ATP2B2: variants seen among roughly 807,000 people sequenced by gnomAD.
The protein encoded by ATP2B2 is ATPase plasma membrane Ca2+ transporting 2.
Under a neutral mutation model 120.0 loss-of-function variants are expected in ATP2B2, and 15 were observed. That is an observed-to-expected ratio of 0.12 (90% CI 0.08 to 0.19). ATP2B2 has a LOEUF of 0.19. ATP2B2 is among the 10% of genes least tolerant of loss of function. The pLI is 1.00. For missense variants in ATP2B2, 1,045 were observed against 1,719.8 expected (o/e 0.61, Z 6.94); for synonymous variants, 694 against 700.3 (o/e 0.99, Z 0.14).
intron 1 of ATP2B2, among the ~76,000 whole-genome samples, chr3:10,638,369 T>C (rs2070079413): frequency 6.6e-6 from 1 of 151,582 alleles, no homozygotes; most frequent in Non-Finnish European, 1.5e-5. Flanking sequence ...GGAGGAAAAA[T>C]TGAAGTATAC....
At chr3:10,646,462 C>T (rs2070323477) in intron 1 of ATP2B2, among the ~76,000 whole-genome samples, 1 of 152,122 alleles carries the variant, frequency 6.6e-6, no homozygotes, top group South Asian at 2.1e-4. Context: ...CTCTGGCTTC[C>T]TGTGACGTTT....
chr3:10,631,801 A>C (rs1438377327), intron 1 of ATP2B2, among the ~76,000 whole-genome samples: 1 of 152,256 alleles, frequency 6.6e-6, no homozygotes, highest in Non-Finnish European at 1.5e-5. Flanking sequence ...ATCAGGATTA[A>C]AATCAGAGCA....
chr3:10,448,074 A>G (rs888234183), intron 2 of ATP2B2, among the ~76,000 whole-genome samples: 16 of 152,206 alleles, frequency 1.1e-4, no homozygotes, highest in African/African-American at 2.9e-4. Flanking sequence ...CAAGCCCTGC[A>G]GGAAATGCTG....
At position 10,360,025 on chromosome 3, in the gene ATP2B2, G is replaced by A. The variant is rs750508666; in HGVS notation, c.1758C>T (p.Pro586=). ...FVLDLKQDYE[P]VRSQMPEEKL... ...TCTCCTCTGGCATCTGGCTGCGCAC[G>A]GGCTCGTAGTCCTGCTTCAGGTCCA... The change falls in exon 13 of 23, where the codon CCC becomes CCT. Residue 586 remains proline (P), a synonymous_variant. Transcript: ENST00000360273. The A allele has an allele frequency of 1.6e-5, 26 of 1,614,008 alleles. No individual in the cohort carries two copies. In the East Asian group the frequency reaches 1.8e-4, roughly 11 times the overall value.
At chr3:10,666,620 T>C (rs1174842319) in intron 1 of ATP2B2, among the ~76,000 whole-genome samples, 1 of 152,214 alleles carries the variant, frequency 6.6e-6, no homozygotes, top group Non-Finnish European at 1.5e-5. Flanking sequence ...TAAGGAAACT[T>C]TGAGCAGATT....
At chr3:10,486,456 T>C (rs573104045) in intron 1 of ATP2B2, among the ~76,000 whole-genome samples, 1 of 152,126 alleles carries the variant, frequency 6.6e-6, no homozygotes, top group African/African-American at 2.4e-5. Flanking sequence ...TCTCTACTTC[T>C]TCCACATCAT....
intron 1 of ATP2B2, among the ~76,000 whole-genome samples, chr3:10,652,978 T>A (rs1222155382): frequency 2.0e-5 from 3 of 152,084 alleles, no homozygotes; most frequent in Non-Finnish European, 4.4e-5. Context: ...AGCGTTTCAG[T>A]TAAGGAAGGT....
At chr3:10,658,737 C>T (rs1006793291) in intron 1 of ATP2B2, among the ~76,000 whole-genome samples, 2 of 152,024 alleles carry the variant, frequency 1.3e-5, no homozygotes, top group African/African-American at 4.8e-5. Context: ...TCAGGAAATA[C>T]AGAGAATGCC....
intron 1 of ATP2B2, among the ~76,000 whole-genome samples, chr3:10,689,146 G>A (rs770547438): frequency 1.7e-4 from 26 of 152,180 alleles, no homozygotes; most frequent in Non-Finnish European, 2.8e-4. Context: ...ATCTAGATAA[G>A]GAGCAAATCC....
intron 3 of ATP2B2, among the ~76,000 whole-genome samples, chr3:10,511,434 T>C (rs565634748): frequency 1.3e-5 from 2 of 152,352 alleles, no homozygotes; most frequent in African/African-American, 4.8e-5. Context: ...TTGATTGAAC[T>C]GATAAATGCA....
In ATP2B2 at chr3:10,473,748, T is replaced by C. The variant is rs148532520; in HGVS notation, c.-319-23886A>G. Among the ~76,000 whole-genome samples, 160 of 152,292 alleles carry C rather than the reference T, an allele frequency of 1.1e-3. 5 individuals carry two copies. In the East Asian group the frequency reaches 0.03, roughly 29 times the overall value. On this transcript the variant is annotated intron_variant, in intron 1 of 22. Transcript: ENST00000360273. ...TATGTTCCAGGCAGAGTGAACGGCA[T>C]AGGCAAAGACCCTGGAGGTGGGAAG...
rs1053214666 is a variant in ATP2B2, at chr3:10,635,523, C to T, written c.-459-15562G>A. Among the ~76,000 whole-genome samples the T allele has an allele frequency of 6.6e-6, 1 of 152,180 alleles. No homozygotes were observed. Among genetic ancestry groups the T allele is most frequent in the African/African-American group, 2.4e-5 (1 of 41,456 alleles). ...AGAGACTCTAAAGCCCATCCTGTTC[C>T]CCTCTCCCTCTCCAGTGTTCTGAGC... On this transcript the variant is annotated intron_variant, in intron 1 of 21. Transcript: ENST00000646379. This position sits in a 1 kb window ranked among gnomAD's most constrained non-coding sequence, Gnocchi z 4.3.
intron 2 of ATP2B2, among the ~76,000 whole-genome samples, chr3:10,434,464 G>T (rs2063415346): frequency 6.6e-6 from 1 of 152,240 alleles, no homozygotes; most frequent in Non-Finnish European, 1.5e-5. Context: ...AACCTGACTT[G>T]TATTTAAGTT....
intron 2 of ATP2B2, among the ~76,000 whole-genome samples, chr3:10,544,083 A>T (rs1235391176): frequency 6.6e-6 from 1 of 152,196 alleles, no homozygotes; most frequent in Non-Finnish European, 1.5e-5. Context: ...TTCAGAAAAG[A>T]AGTTTGAGAA....
rs116097880 is a variant in ATP2B2, at chr3:10,445,257, C to T, written c.199+4088G>A. Among the ~76,000 whole-genome samples the T allele has an allele frequency of 4.2e-3, 645 of 152,366 alleles. 8 individuals are homozygous for T. The highest frequency in any genetic ancestry group is 0.015 in the African/African-American group (614 of 41,586). The stretch of plus-strand genomic sequence containing the variant: ...GAGGTGGGTACTGTTACTATCCTCA[C>T]TTCACAGATAAGTTCATTGAGGTTC... On this transcript the variant is annotated intron_variant, in intron 2 of 22. Coordinates refer to ENST00000360273, the MANE Select transcript of ATP2B2 (RefSeq NM_001001331.4).
chr3:10,381,316 A>G (rs1277141000), intron 8 of ATP2B2, among the ~76,000 whole-genome samples: 4 of 152,242 alleles, frequency 2.6e-5, no homozygotes, highest in Non-Finnish European at 4.4e-5. Flanking sequence ...ATGAATAACA[A>G]CAATTATTTT....
At chr3:10,574,592 CT>C (rs1359576707) in intron 2 of ATP2B2, among the ~76,000 whole-genome samples, 3 of 152,140 alleles carry the variant, frequency 2.0e-5, no homozygotes, top group African/African-American at 4.8e-5. Context: ...TTATTAGTTT[CT>C]TTTTTCCTTA....
chr3:10,365,703 T>C (rs1239520249), intron 12 of ATP2B2, among the ~76,000 whole-genome samples: 1 of 133,220 alleles, frequency 7.5e-6, no homozygotes, highest in Non-Finnish European at 1.6e-5. Context: ...TTGGTCTGTG[T>C]GTCTGTGGTA....
At chr3:10,403,996 G>A (rs973740810) in intron 3 of ATP2B2, among the ~76,000 whole-genome samples, 1 of 152,244 alleles carries the variant, frequency 6.6e-6, no homozygotes, top group African/African-American at 2.4e-5. Flanking sequence ...CCCAGTGGAA[G>A]CTTCTGGAAA....
Sources: gnomAD v4.1 joint callset for allele counts (sites outside exome capture counted in the v4.1 genomes callset) on GRCh38, gnomAD v4.1.1 for gene constraint, Gnocchi (gnomAD v3.1) non-coding constraint, MANE v1.5 for transcripts, NCBI Gene and HGNC (gene_info 2026-07-23, HGNC 2026-07-21) for gene names.